The following TMEM108 variants were observed in gnomAD, a reference collection of about 807,000 sequenced individuals.
TMEM108 encodes cancer/testis antigen 124.
Under a neutral mutation model 35.1 loss-of-function variants are expected in TMEM108, and 12 were observed. That is an observed-to-expected ratio of 0.34 (90% CI 0.22 to 0.55). The LOEUF is 0.55. TMEM108 is among the 20% of genes least tolerant of loss of function. TMEM108 has a pLI of 0.89. For missense variants in TMEM108, 680 were observed against 753.3 expected, an observed-to-expected ratio of 0.90 and a Z score of 1.14; for synonymous variants, 287 against 308.6, an observed-to-expected ratio of 0.93 and a Z score of 0.73.
At chr3:133,288,876 C>T (rs889178829) in intron 3 of TMEM108, among the ~76,000 whole-genome samples, 4 of 152,012 alleles carry the variant, frequency 2.6e-5, no homozygotes, top group African/African-American at 7.2e-5. Context: ...GCTGGGACTA[C>T]GGGTGTGTGC....
intron 2 of TMEM108, among the ~76,000 whole-genome samples, chr3:133,112,277 C>G (rs1944234932): frequency 6.6e-6 from 1 of 152,088 alleles, no homozygotes. Context: ...TTTAAATTAT[C>G]AAATAATATG....
At chr3:133,089,426 G>A (rs1230052268) in intron 2 of TMEM108, among the ~76,000 whole-genome samples, 2 of 152,142 alleles carry the variant, frequency 1.3e-5, no homozygotes, top group African/African-American at 2.4e-5. Context: ...GAAAGAAAAT[G>A]CATATGAATC....
chr3:133,391,956 G>A (rs998155563), intron 5 of TMEM108, among the ~76,000 whole-genome samples: 1 of 151,900 alleles, frequency 6.6e-6, no homozygotes, highest in African/African-American at 2.4e-5. Context: ...CTTCCACATC[G>A]CTAAACCCAG....
At chr3:133,246,059 T>C (rs761115451) in intron 3 of TMEM108, 19 of 152,308 alleles carry the variant, frequency 1.2e-4, no homozygotes, top group Admixed American at 1.2e-3. Flanking sequence ...GTTGGTTAGA[T>C]TTCATAAAAC....
chr3:133,228,590 TCTG>T (rs1301009340), intron 2 of TMEM108, among the ~76,000 whole-genome samples: 2 of 152,102 alleles, frequency 1.3e-5, no homozygotes, highest in African/African-American at 4.8e-5. Flanking sequence ...CAAAGCTATT[TCTG>T]CTGCTAAGGA....
intron 3 of TMEM108, among the ~76,000 whole-genome samples, chr3:133,342,801 G>A (rs1426319553): frequency 6.6e-6 from 1 of 150,688 alleles, no homozygotes; most frequent in Non-Finnish European, 1.5e-5. Flanking sequence ...TTGGTTAAGG[G>A]ATACAAAATT....
chr3:133,308,786 C>T (rs1242209657), intron 3 of TMEM108, among the ~76,000 whole-genome samples: 3 of 152,186 alleles, frequency 2.0e-5, no homozygotes, highest in Non-Finnish European at 4.4e-5. Flanking sequence ...AGGATTTTCA[C>T]ATCAGTATTC....
chr3:133,172,228 G>C (rs1945140853), intron 2 of TMEM108, among the ~76,000 whole-genome samples: 1 of 152,076 alleles, frequency 6.6e-6, no homozygotes, highest in Non-Finnish European at 1.5e-5. Flanking sequence ...ATAGAACAAA[G>C]ATTGGACCCT....
intron 2 of TMEM108, among the ~76,000 whole-genome samples, chr3:133,135,510 A>G (rs1944553025): frequency 6.6e-6 from 1 of 152,038 alleles, no homozygotes; most frequent in South Asian, 2.1e-4. Context: ...AGAGAGGTGA[A>G]TTAGCTAGAT....
intron 3 of TMEM108, among the ~76,000 whole-genome samples, chr3:133,308,677 A>T (rs1487491916): frequency 3.3e-5 from 5 of 152,188 alleles, no homozygotes; most frequent in African/African-American, 1.2e-4. Flanking sequence ...TGATTTGCGT[A>T]TGTTGAACCA....
chr3:133,151,531 C>G (rs969007725), intron 2 of TMEM108, among the ~76,000 whole-genome samples: 2 of 151,908 alleles, frequency 1.3e-5, no homozygotes, highest in African/African-American at 4.8e-5. Context: ...TTCTGAGAAG[C>G]CCTCTGAACA....
At chr3:133,239,693 G>A (rs1946286529) in intron 3 of TMEM108, among the ~76,000 whole-genome samples, 1 of 152,184 alleles carries the variant, frequency 6.6e-6, no homozygotes, top group Non-Finnish European at 1.5e-5. Context: ...GTCTCTAGTA[G>A]TGCTGAAGCT....
chr3:133,279,396 C>T (rs1946881983), intron 3 of TMEM108, among the ~76,000 whole-genome samples: 1 of 152,210 alleles, frequency 6.6e-6, no homozygotes, highest in African/African-American at 2.4e-5. Flanking sequence ...AGGTCACTTG[C>T]AAGTAAGAAT....
At chr3:133,185,755 C>CT (rs1421546828) in intron 2 of TMEM108, among the ~76,000 whole-genome samples, 1 of 138,564 alleles carries the variant, frequency 7.2e-6, no homozygotes. Flanking sequence ...AATTGGGGAC[C>CT]TTGCGTTTCT....
intron 2 of TMEM108, among the ~76,000 whole-genome samples, chr3:133,164,333 C>T (rs1463501643): frequency 6.6e-6 from 1 of 152,138 alleles, no homozygotes; most frequent in Non-Finnish European, 1.5e-5. Context: ...GAACACACAC[C>T]GATGCTTTAA....
At chr3:133,197,337 C>A (rs955052024) in intron 2 of TMEM108, among the ~76,000 whole-genome samples, 8 of 152,092 alleles carry the variant, frequency 5.3e-5, no homozygotes, top group African/African-American at 1.9e-4. Flanking sequence ...GAGTTATGAG[C>A]AGGCGGTTTA....
intron 3 of TMEM108, among the ~76,000 whole-genome samples, chr3:133,233,984 G>C (rs1193718053): frequency 1.3e-5 from 2 of 151,182 alleles, no homozygotes; most frequent in Non-Finnish European, 3.0e-5. Flanking sequence ...CTCCCATTTT[G>C]TAGGTTGCCT....
At chr3:133,145,280 G>C (rs1297650949) in intron 2 of TMEM108, among the ~76,000 whole-genome samples, 1 of 152,136 alleles carries the variant, frequency 6.6e-6, no homozygotes, top group East Asian at 1.9e-4. Context: ...TTGTAGATGT[G>C]TGGTGTTATT....
intron 3 of TMEM108, among the ~76,000 whole-genome samples, chr3:133,319,972 C>T (rs547144962): frequency 6.6e-6 from 1 of 152,224 alleles, no homozygotes; most frequent in Admixed American, 6.5e-5. Context: ...GACAATATGA[C>T]AAAACAAGGT....
Sources: gnomAD v4.1 joint callset for allele counts (sites outside exome capture counted in the v4.1 genomes callset) on GRCh38, gnomAD v4.1.1 for gene constraint, MANE v1.5 for transcripts, NCBI Gene and HGNC (gene_info 2026-07-23, HGNC 2026-07-21) for gene names.